Variants in CFAP70 observed in about 807,000 individuals in gnomAD.
CFAP70 encodes the protein cilia and flagella associated protein 70.
In CFAP70, 81 loss-of-function variants were observed where a neutral mutation model predicts 137.6. The observed-to-expected ratio is 0.59, with a 90% CI of 0.49 to 0.71. The LOEUF (loss-of-function observed/expected upper bound fraction) is 0.71, where lower values mean the gene tolerates loss of function less well. Among genes scored for constraint, CFAP70 ranks in the 30% least tolerant of loss-of-function variants. The pLI, the probability that CFAP70 is intolerant of heterozygous loss-of-function variation, is 0.00. For synonymous variants in CFAP70, 382 were observed against 423.6 expected (o/e 0.90, Z 1.20); for missense variants, 976 against 1,226.7 (o/e 0.80, Z 3.05).
chr10:73,322,915 A>G, intron 9 of CFAP70, 48 bp downstream of exon 10: 1 of 1,515,902 alleles, frequency 6.6e-7, no homozygotes. Flanking sequence ...GTAAACAGAT[A>G]TATAAAGGAT....
chr10:73,297,226 G>A, intron 14 of CFAP70, 53 bp from the exon 16 acceptor site: 12 of 1,567,200 alleles, frequency 7.7e-6, no homozygotes, highest in Middle Eastern at 1.7e-4. Flanking sequence ...ACCATGCTGA[G>A]AGCACGGGTC....
At chr10:73,324,711 T>C (rs560082072) in intron 8 of CFAP70, among the ~76,000 whole-genome samples, 8 of 152,294 alleles carry the variant, frequency 5.3e-5, no homozygotes, top group African/African-American at 1.2e-4. Context: ...GGAGCCGATG[T>C]GATCAACTGG....
chr10:73,357,005 G>C (rs1053749143), intron 1 of CFAP70, among the ~76,000 whole-genome samples: 2 of 152,166 alleles, frequency 1.3e-5, no homozygotes, highest in Non-Finnish European at 1.5e-5. Context: ...GAGGACGAGA[G>C]ACGTGTAACT....
intron 12 of CFAP70, among the ~76,000 whole-genome samples, chr10:73,305,253 T>C (rs746805589): frequency 5.3e-5 from 8 of 152,206 alleles, no homozygotes; most frequent in Non-Finnish European, 1.0e-4. Context: ...TTCAAAAACA[T>C]TGTAAGGTTA....
chr10:73,324,469 G>A (rs1327000868), intron 8 of CFAP70, among the ~76,000 whole-genome samples: 1 of 152,218 alleles, frequency 6.6e-6, no homozygotes, highest in African/African-American at 2.4e-5. Flanking sequence ...ACCAGCAATG[G>A]AACAAAGCTG....
intron 4 of CFAP70, 51 bp from the exon 6 acceptor site, chr10:73,345,295 CT>C (rs1287498114): frequency 6.6e-7 from 1 of 1,508,052 alleles, no homozygotes; most frequent in Admixed American, 1.7e-5. Flanking sequence ...AGAGATCTTC[CT>C]TTTTTGCATT....
chr10:73,362,285 GAACTAA>G (rs375551786), upstream of CFAP70, among the ~76,000 whole-genome samples: 15 of 152,242 alleles, frequency 9.9e-5, no homozygotes, highest in East Asian at 2.3e-3. Flanking sequence ...CTAAATGTAA[GAACTAA>G]AACTATAAAT....
At position 73,277,229 on chromosome 10, in the gene CFAP70, A is replaced by G. The variant is rs770993408; in HGVS notation, c.2520+11T>C. ...CTTTCCATCTACTTGCCCTTTTCCA[A>G]ATACTCTGACCTGCACAGCCTTGAC... On this transcript the variant is annotated intron_variant, in intron 21 of 26. Transcript: ENST00000310715. The G allele has an allele frequency of 6.2e-7, 1 of 1,603,738 alleles. No individual in the cohort carries two copies. The highest frequency in any genetic ancestry group is 1.1e-5 in the South Asian group (1 of 88,932).
chr10:73,298,081 G>A (rs117534283), intron 14 of CFAP70, among the ~76,000 whole-genome samples: 2 of 152,324 alleles, frequency 1.3e-5, no homozygotes, highest in East Asian at 3.9e-4. Flanking sequence ...TACAAAGGCA[G>A]TGTAGTGTAG....
At position 73,322,944 on chromosome 10, in the gene CFAP70, T is replaced by G. The variant is rs757003083; in HGVS notation, c.912+19A>C. 3 of 1,573,730 alleles carry G rather than the reference T, an allele frequency of 1.9e-6. No homozygotes were observed. Among genetic ancestry groups the G allele is most frequent in the Non-Finnish European group, 2.6e-6 (3 of 1,164,018 alleles). ...AAAGGATAAATTACCATGATGATTT[T>G]TATGCAATTTTTTCTTACCTTTTCA... is the stretch of plus-strand genomic sequence containing the variant. On this transcript the variant is annotated intron_variant, in intron 9 of 26. Coordinates refer to ENST00000310715, the Ensembl canonical transcript of CFAP70.
chr10:73,335,954 A>G (rs932048761), intron 6 of CFAP70, among the ~76,000 whole-genome samples: 1 of 151,860 alleles, frequency 6.6e-6, no homozygotes, highest in Non-Finnish European at 1.5e-5. Flanking sequence ...CAGGCTGGCA[A>G]CAAAGTGAGA....
At chr10:73,272,972 G>A in exon 24 of CFAP70, 1 of 1,553,042 alleles carries the variant, frequency 6.4e-7, no homozygotes, top group Non-Finnish European at 8.7e-7. Flanking sequence ...AGGCATGAAG[G>A]TGATCTCTTA....
At chr10:73,261,536 A>G (rs1200877014) in intron 25 of CFAP70, among the ~76,000 whole-genome samples, 1 of 151,724 alleles carries the variant, frequency 6.6e-6, no homozygotes, top group Non-Finnish European at 1.5e-5. Flanking sequence ...AAACCATCAG[A>G]TCTTGTGAGA....
intron 7 of CFAP70, 22 bp from the exon 9 acceptor site, chr10:73,331,298 AT>A: frequency 6.3e-7 from 1 of 1,590,862 alleles, no homozygotes; most frequent in Non-Finnish European, 8.6e-7. Flanking sequence ...GAATCAGTCC[AT>A]TAGCATTATA....
chr10:73,300,645 C>G (rs1358187195), intron 12 of CFAP70, among the ~76,000 whole-genome samples: 1 of 152,044 alleles, frequency 6.6e-6, no homozygotes, highest in Non-Finnish European at 1.5e-5. Flanking sequence ...GGTGGATTGC[C>G]TGAGCTTAGG....
Position 73,307,897 on chromosome 10 carries a change from C to A in CFAP70, c.1256+2261G>T, listed in dbSNP as rs553202736. Among the ~76,000 whole-genome samples, 269 of 121,794 alleles carry A rather than the reference C, an allele frequency of 2.2e-3. 2 individuals carry two copies. Among genetic ancestry groups the A allele is most frequent in the African/African-American group, 8.8e-3 (254 of 28,978 alleles). 79.9% of individuals were successfully genotyped at this position (121,794 alleles called of 152,430 possible). A position where few individuals can be genotyped will look rare whatever the true frequency, so the allele number is the denominator to read the frequency against. On this transcript the variant is annotated intron_variant, in intron 12 of 26. Transcript: ENST00000310715. ...TGGTGGTTCATGCCTGTAATCCTAG[C>A]ACTTTGGGAGGCTGAGGCGGGCAGA...
chr10:73,346,434 G>A (rs760606476), intron 4 of CFAP70, among the ~76,000 whole-genome samples: 5 of 151,684 alleles, frequency 3.3e-5, no homozygotes, highest in Non-Finnish European at 7.4e-5. Context: ...TCAGGAGTTT[G>A]AGATCAGCCT....
Position 73,291,216 on chromosome 10 carries a change from C to T in CFAP70, c.2239+10G>A. On this transcript the variant is annotated intron_variant, in intron 19 of 26. Coordinates refer to ENST00000310715, the Ensembl canonical transcript of CFAP70. ...AATAGCCACTCTTCACCTCTATTCC[C>T]TGGCTCTACCTGCTGGGGCTTCCAC... 1 of 1,613,580 alleles carries T rather than the reference C, an allele frequency of 6.2e-7. No individual in the cohort carries two copies. Among genetic ancestry groups the T allele is most frequent in the Non-Finnish European group, 8.5e-7 (1 of 1,179,592 alleles).
chr10:73,356,557 G>A (rs1238413622), intron 1 of CFAP70, among the ~76,000 whole-genome samples: 2 of 152,168 alleles, frequency 1.3e-5, no homozygotes, highest in African/African-American at 4.8e-5. Context: ...TATGCTAAGT[G>A]TACTTGGTGA....
Sources: gnomAD v4.1 joint callset for allele counts (sites outside exome capture counted in the v4.1 genomes callset) on GRCh38, gnomAD v4.1.1 for gene constraint, MANE v1.5 for transcripts, NCBI Gene and HGNC (gene_info 2026-07-23, HGNC 2026-07-21) for gene names.